ANKRD37: variants seen among roughly 807,000 people sequenced by gnomAD.
ANKRD37 encodes the protein ankyrin repeat domain-containing protein 37.
In ANKRD37, 17 loss-of-function variants were observed where a neutral mutation model predicts 19.7. The ratio of observed to expected loss-of-function variants is 0.86; its 90% CI spans 0.59 to 1.29. ANKRD37 has a LOEUF of 1.29. Ranked by LOEUF, ANKRD37 falls within the 50% of genes most tolerant of loss-of-function variation. The pLI, the probability that ANKRD37 is intolerant of heterozygous loss-of-function variation, is 0.00. For synonymous variants in ANKRD37, 79 were observed against 74.5 expected (o/e 1.06, Z -0.31); for missense variants, 207 against 190.4 (o/e 1.09, Z -0.51).
chr4:185,397,617 CTT>C lies in ANKRD37; in HGVS notation c.180+317_180+318del, dbSNP rs148112456. Reference sequence around the variant, plus strand: ...GCAATTGCTGATTAGATATTTTACACTTTCTTTTATTCTGTCTTCACAATCTG... The same window carrying C: ...GCAATTGCTGATTAGATATTTTACACTCTTTTATTCTGTCTTCACAATCTG... On this transcript the variant is annotated intron_variant, in intron 2 of 4. Transcript: ENST00000335174. 1,172 of 294,358 alleles carry C rather than the reference CTT, an allele frequency of 4.0e-3. 10 individuals carry two copies. Among genetic ancestry groups the C allele is most frequent in the African/African-American group, 0.024 (1,086 of 44,930 alleles). 18.2% of individuals were successfully genotyped at this position (294,358 alleles called of 1,614,324 possible). A position where few individuals can be genotyped will look rare whatever the true frequency, so the allele number is the denominator to read the frequency against.
intron 3 of ANKRD37, 62 bp from the exon 4 acceptor site, chr4:185,399,508 G>A (rs1354237486): frequency 1.0e-5 from 15 of 1,477,674 alleles, no homozygotes; most frequent in South Asian, 1.2e-5. Context: ...TCCCTTGTAA[G>A]ATATAAAAAA....
intron 4 of ANKRD37, 116 bp from the exon 5 acceptor site, chr4:185,399,901 G>T (rs1399470729): frequency 6.2e-5 from 96 of 1,541,524 alleles, no homozygotes; most frequent in Non-Finnish European, 7.9e-5. Context: ...TAACATTTTA[G>T]TACTGGTTAT....
At chr4:185,399,813 G>A in intron 4 of ANKRD37, 40 bp downstream of exon 4, 1 of 1,611,548 alleles carries the variant, frequency 6.2e-7, no homozygotes, top group Non-Finnish European at 8.5e-7. Flanking sequence ...CTCCCGCAGT[G>A]ATCTCTTGTT....
Position 185,397,050 on chromosome 4 carries a change from T to C in ANKRD37, c.27+100T>C. 4 of 1,609,804 alleles carry C rather than the reference T, an allele frequency of 2.5e-6. No individual in the cohort carries two copies. The South Asian group carries it at 3.3e-5, about 13-fold the overall frequency. ...CGGGGACGGACCACTGGGCGCTGCC[T>C]GGTCAGAGCTGGTTGTGAAGGGCGG... On this transcript the variant is annotated intron_variant, in intron 1 of 4. Transcript: ENST00000335174.
intron 2 of ANKRD37, 84 bp downstream of exon 2, chr4:185,397,386 C>A: frequency 1.3e-6 from 2 of 1,521,982 alleles, no homozygotes; most frequent in East Asian, 2.3e-5. Flanking sequence ...AGAGTTGTTT[C>A]AGCTGTTAAA....
In ANKRD37 at chr4:185,396,879, C is replaced by A. The variant is rs759998381; in HGVS notation, c.-45C>A. On this transcript the variant is annotated 5_prime_UTR_variant, in exon 1 of 5. Coordinates refer to ENST00000335174, the MANE Select transcript of ANKRD37 (RefSeq NM_181726.4). ...TGTCGGGGTGCGGCGAGTGTCTCACCTCTCTGCACTTCCAAGGACTCTTGT... is the reference window on the plus strand; with the variant it reads ...TGTCGGGGTGCGGCGAGTGTCTCACATCTCTGCACTTCCAAGGACTCTTGT... The A allele has an allele frequency of 1.2e-6, 2 of 1,608,620 alleles. No individual in the cohort carries two copies. Among genetic ancestry groups the A allele is most frequent in the East Asian group, 2.2e-5 (1 of 44,858 alleles).
Position 185,397,178 on chromosome 4 carries a change from CAG to C in ANKRD37, c.57_58del (p.Ala21LeufsTer35), listed in dbSNP as rs756521855. 37 of 1,613,750 alleles carry C rather than the reference CAG, an allele frequency of 2.3e-5. No homozygotes were observed. The highest frequency in any genetic ancestry group is 2.9e-5 in the Non-Finnish European group (34 of 1,180,018). ...GATGGTCTGAAGCATTTGCTGGAGA[CAG>C]GGGCCTCGGTCAACGCACCCCCGGA... On this transcript the variant is annotated frameshift_variant, in exon 2 of 5. Coordinates refer to ENST00000335174, the MANE Select transcript of ANKRD37 (RefSeq NM_181726.4). LOFTEE classifies it high-confidence loss of function.
At chr4:185,400,300 C>T, downstream of ANKRD37, 5 of 1,080,500 alleles carry the variant, frequency 4.6e-6, no homozygotes, top group South Asian at 1.5e-5. Context: ...AATCGTCAAA[C>T]TAGAACCAGG....
chr4:185,399,322 G>C (rs1385696681), intron 3 of ANKRD37, among the ~76,000 whole-genome samples: 1 of 152,036 alleles, frequency 6.6e-6, no homozygotes, highest in Non-Finnish European at 1.5e-5. Flanking sequence ...CTACCTTTGG[G>C]TACTCATACA....
At chr4:185,398,539 A>T (rs912086046) in intron 2 of ANKRD37, among the ~76,000 whole-genome samples, 18 of 152,308 alleles carry the variant, frequency 1.2e-4, no homozygotes, top group African/African-American at 4.3e-4. Context: ...TTCAGAGCGT[A>T]TGCTAGAATG....
intron 3 of ANKRD37, 129 bp from the exon 4 acceptor site, chr4:185,399,441 C>T: frequency 1.1e-6 from 1 of 952,220 alleles, no homozygotes; most frequent in East Asian, 2.6e-5. Flanking sequence ...AATGCAATTT[C>T]CTTATGCATC....
downstream of ANKRD37, chr4:185,400,421 A>G (rs1356186252): frequency 1.6e-5 from 26 of 1,613,776 alleles, no homozygotes; most frequent in Middle Eastern, 1.6e-4. Flanking sequence ...TGAGGAAGAC[A>G]TAAGTTATAG....
At chr4:185,398,062 A>G (rs749410683) in intron 2 of ANKRD37, among the ~76,000 whole-genome samples, 18 of 152,144 alleles carry the variant, frequency 1.2e-4, no homozygotes, top group Non-Finnish European at 1.9e-4. Flanking sequence ...GGTTCAAGAG[A>G]TTCTCCTGCC....
Position 185,399,511 on chromosome 4 carries a change from AT to A in ANKRD37, c.273-58del, listed in dbSNP as rs1209166079. 110 of 1,480,144 alleles carry A rather than the reference AT, an allele frequency of 7.4e-5. No individual in the cohort carries two copies. In the East Asian group the frequency reaches 2.4e-3, roughly 32 times the overall value. 91.7% of individuals were successfully genotyped at this position (1,480,144 alleles called of 1,614,324 possible). A position where few individuals can be genotyped will look rare whatever the true frequency, so the allele number is the denominator to read the frequency against. ...TGAGCCCAAAATTCCCTTGTAAGAT[AT>A]AAAAAAAAAGACTTAAGTTCAATGT... On this transcript the variant is annotated intron_variant, in intron 3 of 4. Coordinates refer to ENST00000335174, the MANE Select transcript of ANKRD37 (RefSeq NM_181726.4).
chr4:185,397,750 GAAGT>G (rs2095507036), intron 2 of ANKRD37: 1 of 137,572 alleles, frequency 7.3e-6, no homozygotes, highest in Non-Finnish European at 1.6e-5. Context: ...TATTTCAAAA[GAAGT>G]AATTGCTACA....
intron 3 of ANKRD37, 147 bp from the exon 4 acceptor site, chr4:185,399,423 T>C (rs1011305891): frequency 2.6e-6 from 2 of 769,850 alleles, no homozygotes; most frequent in Middle Eastern, 3.6e-4. Context: ...GATACAATAG[T>C]GACCAAAAAT....
In ANKRD37 at chr4:185,400,110, A is replaced by C; in HGVS notation, c.*93A>C. ...TTGGCTTTACCATATGTTGTGTCTA[A>C]TCTCCTTCTGAGAAGGACGAAAAAC... is the stretch of plus-strand genomic sequence containing the variant. On this transcript the variant is annotated 3_prime_UTR_variant, in exon 5 of 5. Coordinates refer to ENST00000335174, the MANE Select transcript of ANKRD37 (RefSeq NM_181726.4). 1.6e-6 allele frequency: 2 copies of C among 1,229,716 alleles called. No homozygotes were observed. Among genetic ancestry groups the C allele is most frequent in the Non-Finnish European group, 2.3e-6 (2 of 864,388 alleles). The allele number at this position is 1,229,716 out of a possible 1,614,324, so 76.2% of individuals were successfully genotyped here. A position where few individuals can be genotyped will look rare whatever the true frequency, so the allele number is the denominator to read the frequency against.
intron 2 of ANKRD37, among the ~76,000 whole-genome samples, chr4:185,398,059 G>C (rs895675791): frequency 6.6e-6 from 1 of 152,348 alleles, no homozygotes; most frequent in Middle Eastern, 3.4e-3. Flanking sequence ...TTGGGTTCAA[G>C]AGATTCTCCT....
rs768637598 is a variant in ANKRD37 at position 185,399,521 on chromosome 4, AG to A, written c.273-48del. On this transcript the variant is annotated intron_variant, in intron 3 of 4. Coordinates refer to ENST00000335174, the MANE Select transcript of ANKRD37 (RefSeq NM_181726.4). ...ATTCCCTTGTAAGATATAAAAAAAA[AG>A]ACTTAAGTTCAATGTTTCATTTCAC... The A allele has an allele frequency of 6.6e-6, 10 of 1,524,856 alleles. No homozygotes were observed. The Admixed American group carries it at 1.2e-4, about 19-fold the overall frequency. 94.5% of individuals were successfully genotyped at this position (1,524,856 alleles called of 1,614,324 possible).
Sources: allele counts gnomAD v4.1 joint callset (sites outside exome capture counted in the v4.1 genomes callset), GRCh38; gene constraint gnomAD v4.1.1; transcripts MANE v1.5; gene names NCBI Gene and HGNC (gene_info 2026-07-23, HGNC 2026-07-21).